YWHAQ: variants seen among roughly 807,000 people sequenced by gnomAD.
YWHAQ encodes tyrosine 3-monooxygenase/tryptophan 5-monooxygenase activation protein theta.
YWHAQ carries 6 observed loss-of-function variants against 28.3 expected under a neutral mutation model. The observed-to-expected ratio is 0.21, with a 90% CI of 0.12 to 0.42. The LOEUF (loss-of-function observed/expected upper bound fraction) is 0.42, where lower values mean the gene tolerates loss of function less well. Ranked by LOEUF, YWHAQ falls within the 10% of genes least tolerant of loss-of-function variation. The pLI, the probability that YWHAQ is intolerant of heterozygous loss-of-function variation, is 1.00. For synonymous variants in YWHAQ, 143 were observed against 119.1 expected, an observed-to-expected ratio of 1.20 and a Z score of -1.31; for missense variants, 201 against 305.6, an observed-to-expected ratio of 0.66 and a Z score of 2.55.
intron 2 of YWHAQ, among the ~76,000 whole-genome samples, chr2:9,601,406 C>A (rs55883249): frequency 0.15 from 22,511 of 152,074 alleles, 2,035 homozygotes; most frequent in Middle Eastern, 0.24. Context: ...TTGCAGTGAG[C>A]AGTGAGCCAG....
chr2:9,594,251 CAATAT>C (rs1249978627), intron 2 of YWHAQ, among the ~76,000 whole-genome samples: 3 of 152,112 alleles, frequency 2.0e-5, no homozygotes, highest in African/African-American at 7.2e-5. Flanking sequence ...TCAACATCAC[CAATAT>C]AATTTTAATA....
chr2:9,596,822 C>T (rs1329254418), intron 2 of YWHAQ, among the ~76,000 whole-genome samples: 2 of 152,140 alleles, frequency 1.3e-5, no homozygotes, highest in Non-Finnish European at 2.9e-5. Context: ...TTGGCCTCAG[C>T]CTCCCCAAGT....
chr2:9,603,887 T>C (rs1210096279), intron 2 of YWHAQ, among the ~76,000 whole-genome samples: 1 of 152,084 alleles, frequency 6.6e-6, no homozygotes, highest in Non-Finnish European at 1.5e-5. Context: ...ATCACGCCAC[T>C]GCACTCCAGC....
At chr2:9,592,095 A>C (rs1666467961) in intron 2 of YWHAQ, among the ~76,000 whole-genome samples, 2 of 152,194 alleles carry the variant, frequency 1.3e-5, no homozygotes. Flanking sequence ...TAGGGACGGG[A>C]AACAAAATGT....
chr2:9,629,325 TA>T (rs1022429845), intron 2 of YWHAQ, among the ~76,000 whole-genome samples: 25 of 152,228 alleles, frequency 1.6e-4, no homozygotes, highest in Non-Finnish European at 3.2e-4. Context: ...ATTTCAGTTT[TA>T]AAAACTTATC....
At chr2:9,618,777 T>C (rs1335180403) in intron 2 of YWHAQ, among the ~76,000 whole-genome samples, 4 of 151,756 alleles carry the variant, frequency 2.6e-5, no homozygotes, top group East Asian at 1.9e-4. Flanking sequence ...GCCTCCCAAA[T>C]TGCTAGGGTT....
At chr2:9,628,035 A>G (rs1183216106) in intron 2 of YWHAQ, among the ~76,000 whole-genome samples, 1 of 152,174 alleles carries the variant, frequency 6.6e-6, no homozygotes, top group Non-Finnish European at 1.5e-5. Flanking sequence ...ATGCTCTCTA[A>G]ATTATAAATC....
rs1030274914 is a variant in YWHAQ, at chr2:9,612,225, C to G, written c.294+17934G>C. 2.0e-5 allele frequency among the ~76,000 whole-genome samples: 3 copies of G among 152,248 alleles called. No individual in the cohort carries two copies. In the South Asian group the frequency reaches 6.2e-4, roughly 31 times the overall value. On this transcript the variant is annotated intron_variant, in intron 2 of 5. Transcript: ENST00000238081. ...CACCTCAACTGCTCCAATAATCTAACTGATCTACCAGGTTTTTGGGTTCCT... is the reference window on the plus strand; with the variant it reads ...CACCTCAACTGCTCCAATAATCTAAGTGATCTACCAGGTTTTTGGGTTCCT...
intron 2 of YWHAQ, among the ~76,000 whole-genome samples, chr2:9,594,129 T>A (rs755167011): frequency 6.6e-5 from 10 of 151,708 alleles, no homozygotes; most frequent in Non-Finnish European, 1.2e-4. Context: ...GCAAAAGAGG[T>A]CATTAGGGCC....
intron 2 of YWHAQ, among the ~76,000 whole-genome samples, chr2:9,600,708 A>AAAAAAAG (rs551715372): frequency 6.6e-6 from 1 of 152,078 alleles, no homozygotes; most frequent in Non-Finnish European, 1.5e-5. Flanking sequence ...TCTGTCTCAA[A>AAAAAAAG]AAAAAAGAAA....
intron 2 of YWHAQ, among the ~76,000 whole-genome samples, chr2:9,604,234 G>T (rs142740231): frequency 1.1e-4 from 16 of 152,156 alleles, no homozygotes; most frequent in African/African-American, 2.9e-4. Flanking sequence ...GGTAACAAAC[G>T]AGAGACAGAA....
intron 3 of YWHAQ, among the ~76,000 whole-genome samples, chr2:9,588,746 G>C (rs1215379145): frequency 6.6e-6 from 1 of 151,976 alleles, no homozygotes; most frequent in African/African-American, 2.4e-5. Flanking sequence ...ACTCCAGCTT[G>C]GGCAACAGAA....
intron 2 of YWHAQ, among the ~76,000 whole-genome samples, chr2:9,608,592 CAG>C (rs1465642626): frequency 1.3e-5 from 2 of 152,282 alleles, no homozygotes; most frequent in East Asian, 3.9e-4. Flanking sequence ...ACTGTGTAAA[CAG>C]AGAGATTCTC....
chr2:9,627,790 T>C (rs1046674320), intron 2 of YWHAQ, among the ~76,000 whole-genome samples: 4 of 152,198 alleles, frequency 2.6e-5, no homozygotes, highest in Non-Finnish European at 1.5e-5. Context: ...GCAGCAACTC[T>C]GCACATGAAC....
Position 9,588,318 on chromosome 2 carries a change from A to G in YWHAQ, c.429T>C (p.Asp143=), listed in dbSNP as rs751249633. The G allele has an allele frequency of 6.2e-7, 1 of 1,609,234 alleles. No homozygotes were observed. Among genetic ancestry groups the G allele is most frequent in the South Asian group, 1.1e-5 (1 of 89,956 alleles). The change falls in exon 4 of 6, where the codon GAT becomes GAC. Residue 143 remains aspartate (D), a synonymous_variant. Coordinates refer to ENST00000238081, the MANE Select transcript of YWHAQ (RefSeq NM_006826.4). The part of the protein sequence containing the change: ...ACGDDRKQTI[D]NSQGAYQEAF... Reference sequence around the variant, plus strand: ...CCTCTTGGTAAGCTCCTTGGGAATTATCTATCGTTTCTGTGAAGAGCGAAA... The same window carrying G: ...CCTCTTGGTAAGCTCCTTGGGAATTGTCTATCGTTTCTGTGAAGAGCGAAA...
At chr2:9,590,617 CAA>C (rs1362332096) in intron 3 of YWHAQ, among the ~76,000 whole-genome samples, 1 of 152,042 alleles carries the variant, frequency 6.6e-6, no homozygotes, top group African/African-American at 2.4e-5. Context: ...GCCAGTATCC[CAA>C]GAGACATTCA....
At chr2:9,598,844 A>G (rs938757284) in intron 2 of YWHAQ, among the ~76,000 whole-genome samples, 1 of 151,752 alleles carries the variant, frequency 6.6e-6, no homozygotes, top group Non-Finnish European at 1.5e-5. Context: ...ATGGCCTTTA[A>G]TTAAGTGTTC....
rs973870597 is a variant in YWHAQ at position 9,591,269 on chromosome 2, T to G, written c.418+123A>C. The G allele has an allele frequency of 3.3e-6, 4 of 1,195,828 alleles. No homozygotes were observed. The Admixed American group carries it at 8.0e-5, about 24-fold the overall frequency. The allele number at this position is 1,195,828 out of a possible 1,614,324, so 74.1% of individuals were successfully genotyped here. ...GAACATAAGGTAATACTAATTTTCT[T>G]GACATACATTCAATTATTAAGTCAC... is the stretch of plus-strand genomic sequence containing the variant. On this transcript the variant is annotated intron_variant, in intron 3 of 5. Coordinates refer to ENST00000238081, the MANE Select transcript of YWHAQ (RefSeq NM_006826.4).
chr2:9,618,735 A>C (rs1320994206), intron 2 of YWHAQ, among the ~76,000 whole-genome samples: 1 of 149,400 alleles, frequency 6.7e-6, no homozygotes, highest in African/African-American at 2.5e-5. Flanking sequence ...GCTGGTCTCG[A>C]ATTCCTGGAC....
Sources: gnomAD v4.1 joint callset for allele counts (sites outside exome capture counted in the v4.1 genomes callset) on GRCh38, gnomAD v4.1.1 for gene constraint, MANE v1.5 for transcripts, NCBI Gene and HGNC (gene_info 2026-07-23, HGNC 2026-07-21) for gene names.